GPR180: variants seen among roughly 807,000 people sequenced by gnomAD.
GPR180 encodes G protein-coupled receptor 180.
A neutral mutation model predicts 52.6 loss-of-function variants in GPR180; 53 were observed. The observed-to-expected ratio is 1.01, with a 90% CI of 0.81 to 1.27. GPR180 has a LOEUF of 1.27. Among genes scored for constraint, GPR180 ranks in the 50% most tolerant of loss-of-function variants. The pLI is 0.00. For missense variants in GPR180, 533 were observed against 527.0 expected (o/e 1.01, Z -0.11); for synonymous variants, 200 against 193.1 (o/e 1.04, Z -0.30).
chr13:94,618,106 A>C (rs903442617), intron 3 of GPR180, among the ~76,000 whole-genome samples: 1 of 152,196 alleles, frequency 6.6e-6, no homozygotes, highest in African/African-American at 2.4e-5. Context: ...TTTTTAATAC[A>C]AAGTCTGCAC....
At chr13:94,617,208 G>C (rs2139569636) in intron 3 of GPR180, among the ~76,000 whole-genome samples, 1 of 152,076 alleles carries the variant, frequency 6.6e-6, no homozygotes, top group East Asian at 1.9e-4. Flanking sequence ...TATCCTGTAA[G>C]TCAGAAACTT....
Position 94,601,916 on chromosome 13 carries a change from C to G in GPR180, c.-12C>G, listed in dbSNP as rs969889528. The stretch of plus-strand genomic sequence containing the variant: ...TGGGAGCCGAGGCGTCGGTGCAGAC[C>G]TGGAGACGGGCATGGGGGGGCTGCG... On this transcript the variant is annotated 5_prime_UTR_variant, in exon 1 of 9. Transcript: ENST00000376958. 1 of 1,479,278 alleles carries G rather than the reference C, an allele frequency of 6.8e-7. No homozygotes were observed. Among genetic ancestry groups the G allele is most frequent in the South Asian group, 1.3e-5 (1 of 76,592 alleles). 91.6% of individuals were successfully genotyped at this position (1,479,278 alleles called of 1,614,324 possible). A position where few individuals can be genotyped will look rare whatever the true frequency, so the allele number is the denominator to read the frequency against.
At chr13:94,603,584 G>A (rs899392025) in intron 1 of GPR180, among the ~76,000 whole-genome samples, 2 of 152,106 alleles carry the variant, frequency 1.3e-5, no homozygotes, top group African/African-American at 4.8e-5. Context: ...AACTCGGAAT[G>A]CAATTTACAG....
chr13:94,623,372 A>G, intron 7 of GPR180, 72 bp downstream of exon 7: 1 of 1,173,532 alleles, frequency 8.5e-7, no homozygotes. Flanking sequence ...AAGTTAATAA[A>G]CAACTACATG....
chr13:94,620,988 A>T (rs1235973664), intron 5 of GPR180, 90 bp from the exon 6 acceptor site: 71 of 302,834 alleles, frequency 2.3e-4, no homozygotes, highest in Non-Finnish European at 3.3e-4. Context: ...GGTTTTTCTT[A>T]AAAAAAAAAA....
intron 3 of GPR180, among the ~76,000 whole-genome samples, chr13:94,615,458 A>G (rs1889765264): frequency 6.6e-6 from 1 of 152,196 alleles, no homozygotes; most frequent in Non-Finnish European, 1.5e-5. Flanking sequence ...AAATTTCATA[A>G]TTTGTTTTCT....
rs1890018409 is a variant in GPR180, at chr13:94,632,957, G to A, written c.*5786G>A. 1 of 152,206 alleles carries A rather than the reference G, an allele frequency of 6.6e-6. No individual in the cohort carries two copies. The highest frequency in any genetic ancestry group is 6.5e-5 in the Admixed American group (1 of 15,280). 9.4% of individuals were successfully genotyped at this position (152,206 alleles called of 1,614,324 possible). ...CTTCCCTGGTTGGCAATACTCTGGT[G>A]TGTTCTAGGAGGGTGACATGTCCCT... On this transcript the variant is annotated 3_prime_UTR_variant, in exon 9 of 9. Coordinates refer to ENST00000376958, the MANE Select transcript of GPR180 (RefSeq NM_180989.6).
Position 94,601,933 on chromosome 13 carries a change from G to A in GPR180, c.6G>A (p.Gly2=), listed in dbSNP as rs759143850. Residue 2 remains glycine, a synonymous_variant, in exon 1 of 9, where the codon GGG becomes GGA. Transcript: ENST00000376958. ...GTGCAGACCTGGAGACGGGCATGGG[G>A]GGGCTGCGGCTGCTGGCTGTGGCCC... M[G]GLRLLAVALT... is the part of the protein sequence containing the mutation. The A allele has an allele frequency of 1.3e-6, 2 of 1,490,920 alleles. No individual in the cohort carries two copies. The highest frequency in any genetic ancestry group is 1.4e-5 in the African/African-American group (1 of 69,294). The allele number at this position is 1,490,920 out of a possible 1,614,324, so 92.4% of individuals were successfully genotyped here. A position where few individuals can be genotyped will look rare whatever the true frequency, so the allele number is the denominator to read the frequency against.
intron 8 of GPR180, among the ~76,000 whole-genome samples, chr13:94,626,505 C>T (rs1384879042): frequency 6.6e-6 from 1 of 152,082 alleles, no homozygotes; most frequent in African/African-American, 2.4e-5. Context: ...AGAGGTCTGC[C>T]AGGAGCCCTT....
chr13:94,623,040 G>A, intron 6 of GPR180, 69 bp from the exon 7 acceptor site: 7 of 1,123,132 alleles, frequency 6.2e-6, no homozygotes, highest in Non-Finnish European at 9.1e-6. Flanking sequence ...GTTTATTAAA[G>A]AGTTGAAAAA....
intron 2 of GPR180, among the ~76,000 whole-genome samples, chr13:94,610,273 C>T (rs1889686200): frequency 6.6e-6 from 1 of 152,054 alleles, no homozygotes; most frequent in African/African-American, 2.4e-5. Context: ...TTCTAGTTAC[C>T]TCAAGAAATG....
Position 94,631,202 on chromosome 13 carries a change from G to C in GPR180, c.*4031G>C, listed in dbSNP as rs562109066. 2 of 152,122 alleles carry C rather than the reference G, an allele frequency of 1.3e-5. No individual in the cohort carries two copies. Among genetic ancestry groups the C allele is most frequent in the Non-Finnish European group, 2.9e-5 (2 of 68,072 alleles). The allele number at this position is 152,122 out of a possible 1,614,324, so 9.4% of individuals were successfully genotyped here. ...CATCATTCACACTGGAGGATTAGAG[G>C]CAGGGAGAGACCTGTATGGCTTCCA... On this transcript the variant is annotated 3_prime_UTR_variant, in exon 9 of 9. Transcript: ENST00000376958.
At chr13:94,602,106 C>T (rs761001311) in intron 1 of GPR180, 34 bp downstream of exon 1, 2 of 1,293,810 alleles carry the variant, frequency 1.5e-6, no homozygotes. Flanking sequence ...GATGAAGGCG[C>T]GCTGGCCCAT....
At chr13:94,610,853 C>A (rs1889693663) in intron 2 of GPR180, among the ~76,000 whole-genome samples, 1 of 152,208 alleles carries the variant, frequency 6.6e-6, no homozygotes, top group Non-Finnish European at 1.5e-5. Context: ...AAAAAACTAT[C>A]CCCTCACATT....
intron 3 of GPR180, among the ~76,000 whole-genome samples, chr13:94,616,570 A>G (rs1889781529): frequency 6.6e-6 from 1 of 152,234 alleles, no homozygotes; most frequent in Non-Finnish European, 1.5e-5. Flanking sequence ...AGCTTGCCTT[A>G]AACCTTACAC....
chr13:94,618,328 T>A, intron 3 of GPR180, among the ~76,000 whole-genome samples: 1 of 152,224 alleles, frequency 6.6e-6, no homozygotes, highest in African/African-American at 2.4e-5. Flanking sequence ...TCAGAATTGT[T>A]ACGTTGTTGG....
chr13:94,623,338 C>A, intron 7 of GPR180, 38 bp downstream of exon 7: 3 of 1,485,842 alleles, frequency 2.0e-6, no homozygotes, highest in Non-Finnish European at 2.8e-6. Context: ...TTCTGATTAT[C>A]CACTTGGTTC....
intron 7 of GPR180, among the ~76,000 whole-genome samples, chr13:94,625,090 A>G (rs569079139): frequency 9.8e-5 from 15 of 152,370 alleles, no homozygotes; most frequent in African/African-American, 3.4e-4. Flanking sequence ...TTGGGATTAC[A>G]GGCATGAGCC....
rs1889993383 is a variant in GPR180 at position 94,631,297 on chromosome 13, A to G, written c.*4126A>G. The G allele has an allele frequency of 6.6e-6, 1 of 151,914 alleles. No individual in the cohort carries two copies. The highest frequency in any genetic ancestry group is 1.5e-5 in the Non-Finnish European group (1 of 68,022). The allele number at this position is 151,914 out of a possible 1,614,324, so 9.4% of individuals were successfully genotyped here. Reference sequence around the variant, plus strand: ...TCCTAGCAAGTTCCTTGCTTCCCCCATTTCCCATGTCTTCCCTTTCCAACT... The same window carrying G: ...TCCTAGCAAGTTCCTTGCTTCCCCCGTTTCCCATGTCTTCCCTTTCCAACT... On this transcript the variant is annotated 3_prime_UTR_variant, in exon 9 of 9. Transcript: ENST00000376958.
Sources: gnomAD v4.1 joint callset for allele counts (sites outside exome capture counted in the v4.1 genomes callset) on GRCh38, gnomAD v4.1.1 for gene constraint, MANE v1.5 for transcripts, NCBI Gene and HGNC (gene_info 2026-07-23, HGNC 2026-07-21) for gene names.